The following LRPPRC variants were observed in gnomAD, a reference collection of about 807,000 sequenced individuals.
The protein encoded by LRPPRC is leucine rich pentatricopeptide repeat containing.
Under a neutral mutation model 180.3 loss-of-function variants are expected in LRPPRC, and 120 were observed. That is an observed-to-expected ratio of 0.67 (90% CI 0.57 to 0.77). LRPPRC has a LOEUF of 0.77. Among genes scored for constraint, LRPPRC ranks in the 30% least tolerant of loss-of-function variants. LRPPRC has a pLI of 0.00. For missense variants in LRPPRC, 2,012 were observed against 1,657.2 expected, an observed-to-expected ratio of 1.21 and a Z score of -3.72; for synonymous variants, 723 against 600.0, an observed-to-expected ratio of 1.21 and a Z score of -3.00.
At chr2:43,970,348 A>G (rs1673749177) in intron 11 of LRPPRC, among the ~76,000 whole-genome samples, 2 of 152,218 alleles carry the variant, frequency 1.3e-5, no homozygotes, top group South Asian at 4.1e-4. Flanking sequence ...TCACTCGCTC[A>G]GGCAGCCTGA....
chr2:43,911,014 A>G (rs914413493), intron 30 of LRPPRC, among the ~76,000 whole-genome samples: 2 of 151,870 alleles, frequency 1.3e-5, no homozygotes, highest in African/African-American at 4.8e-5. Flanking sequence ...GAGGGTTGGG[A>G]TGGAGAGTTT....
intron 1 of LRPPRC, among the ~76,000 whole-genome samples, chr2:43,991,979 CCTA>C (rs1418068933): frequency 2.6e-5 from 4 of 152,202 alleles, no homozygotes; most frequent in African/African-American, 2.4e-5. Flanking sequence ...ACATTTGACA[CCTA>C]CTATATGCCA....
chr2:43,956,514 T>TGTGTGTGTGTGTGTGTGTG (rs1553406444), intron 14 of LRPPRC, among the ~76,000 whole-genome samples: 1 of 149,898 alleles, frequency 6.7e-6, no homozygotes, highest in Admixed American at 6.7e-5. Context: ...TGTGTGTGTG[T>TGTGTGTGTGTGTGTGTGTG]AGGTACTTTC....
chr2:43,947,666 C>T lies in LRPPRC; in HGVS notation c.1965+65G>A. On this transcript the variant is annotated intron_variant, in intron 19 of 37. Coordinates refer to ENST00000260665, the MANE Select transcript of LRPPRC (RefSeq NM_133259.4). ...AGGAATCACTGGTTTTATAAGTACACAATCCAGAATACTCATTAAATATGG... is the reference window on the plus strand; with the variant it reads ...AGGAATCACTGGTTTTATAAGTACATAATCCAGAATACTCATTAAATATGG... 3 of 962,554 alleles carry T rather than the reference C, an allele frequency of 3.1e-6. 1 individual carries two copies. Among genetic ancestry groups the T allele is most frequent in the South Asian group, 2.6e-5 (2 of 76,620 alleles). 59.6% of individuals were successfully genotyped at this position (962,554 alleles called of 1,614,324 possible).
At chr2:43,916,040 T>C (rs763705291) in intron 29 of LRPPRC, among the ~76,000 whole-genome samples, 6 of 152,032 alleles carry the variant, frequency 3.9e-5, no homozygotes, top group African/African-American at 7.2e-5. Flanking sequence ...GTTGGGATTA[T>C]AGGCATGAGC....
At chr2:43,966,387 G>A (rs1421994164) in intron 11 of LRPPRC, among the ~76,000 whole-genome samples, 1 of 151,422 alleles carries the variant, frequency 6.6e-6, no homozygotes. Context: ...TGCTGAGAGA[G>A]TTGATCTCAA....
At chr2:43,954,568 T>C (rs1459632282) in intron 14 of LRPPRC, among the ~76,000 whole-genome samples, 1 of 152,210 alleles carries the variant, frequency 6.6e-6, no homozygotes, top group Non-Finnish European at 1.5e-5. Flanking sequence ...TGGTAGTAGC[T>C]ATTAAAGAAT....
chr2:43,993,970 G>A (rs185154107), intron 1 of LRPPRC, among the ~76,000 whole-genome samples: 57 of 152,122 alleles, frequency 3.7e-4, no homozygotes, highest in African/African-American at 1.2e-3. Context: ...CTGAGATTAC[G>A]CAGTAAGTAA....
At chr2:43,991,698 AG>A (rs1400271239) in intron 1 of LRPPRC, among the ~76,000 whole-genome samples, 1 of 152,224 alleles carries the variant, frequency 6.6e-6, no homozygotes, top group African/African-American at 2.4e-5. Context: ...AGATGTACTG[AG>A]ATGGGAAAAT....
intron 36 of LRPPRC, among the ~76,000 whole-genome samples, chr2:43,893,092 C>T (rs776506916): frequency 3.9e-5 from 6 of 152,224 alleles, no homozygotes; most frequent in Middle Eastern, 3.4e-3. Flanking sequence ...AGAAGTGGAG[C>T]GTGAAGACGT....
chr2:43,916,720 G>A (rs771990866), intron 29 of LRPPRC, among the ~76,000 whole-genome samples: 3 of 152,004 alleles, frequency 2.0e-5, no homozygotes, highest in East Asian at 1.9e-4. Context: ...TCGTGAGGCC[G>A]AGGTGGGAGG....
chr2:43,928,993 A>G (rs1324682350), intron 25 of LRPPRC, among the ~76,000 whole-genome samples: 3 of 152,236 alleles, frequency 2.0e-5, no homozygotes, highest in African/African-American at 4.8e-5. Context: ...ATTTAATACT[A>G]TATCATTATA....
intron 12 of LRPPRC, 161 bp downstream of exon 12, chr2:43,963,425 TGA>T (rs1313910941): frequency 9.1e-6 from 6 of 658,780 alleles, no homozygotes; most frequent in South Asian, 1.8e-5. Context: ...GCCTGGGCAA[TGA>T]GAGAGAAACT....
At chr2:43,899,005 C>T (rs1208955079) in intron 34 of LRPPRC, among the ~76,000 whole-genome samples, 1 of 152,192 alleles carries the variant, frequency 6.6e-6, no homozygotes, top group African/African-American at 2.4e-5. Context: ...ATTCTAAAGA[C>T]ATTTCTAGTT....
At chr2:43,907,475 G>C (rs1671100859) in intron 30 of LRPPRC, among the ~76,000 whole-genome samples, 1 of 152,048 alleles carries the variant, frequency 6.6e-6, no homozygotes, top group African/African-American at 2.4e-5. Context: ...ATCGAGTCCA[G>C]AGCTCTCAAA....
chr2:43,994,809 A>G (rs1047451003), intron 1 of LRPPRC, among the ~76,000 whole-genome samples: 3 of 152,136 alleles, frequency 2.0e-5, no homozygotes, highest in African/African-American at 7.2e-5. Flanking sequence ...TCCACTACAA[A>G]AGTCTATACC....
intron 1 of LRPPRC, among the ~76,000 whole-genome samples, chr2:43,992,862 G>C (rs905643812): frequency 2.0e-5 from 3 of 152,162 alleles, no homozygotes; most frequent in African/African-American, 7.2e-5. Flanking sequence ...TCAAGCAGGT[G>C]GATGTGTAGT....
At chr2:43,979,765 T>TTTTGCAAAA in intron 3 of LRPPRC, 61 bp downstream of exon 3, 1 of 1,501,840 alleles carries the variant, frequency 6.7e-7, no homozygotes, top group Non-Finnish European at 9.3e-7. Context: ...ACAAACACTT[T>TTTTGCAAAA]TTTGCAAAAA....
rs534172103 is a variant in LRPPRC, at chr2:43,901,665, T to G, written c.3365-141A>C. On this transcript the variant is annotated intron_variant, in intron 31 of 37. Coordinates refer to ENST00000260665, the MANE Select transcript of LRPPRC (RefSeq NM_133259.4). ...ATAATTAATTTTAGATTACAGAAAA[T>G]TATTAATACTTCATGAGATACCCCC... is the stretch of plus-strand genomic sequence containing the variant. 4 of 662,894 alleles carry G rather than the reference T, an allele frequency of 6.0e-6. No homozygotes were observed. The African/African-American group carries it at 7.2e-5, about 12-fold the overall frequency. 41.1% of individuals were successfully genotyped at this position (662,894 alleles called of 1,614,324 possible).
Sources: allele counts gnomAD v4.1 joint callset (sites outside exome capture counted in the v4.1 genomes callset), GRCh38; gene constraint gnomAD v4.1.1; transcripts MANE v1.5; gene names NCBI Gene and HGNC (gene_info 2026-07-23, HGNC 2026-07-21).